KLHL41: variants seen among roughly 807,000 people sequenced by gnomAD.
KLHL41 encodes the protein kelch like family member 41.
A neutral mutation model predicts 49.2 loss-of-function variants in KLHL41; 31 were observed. The observed-to-expected ratio is 0.63, with a 90% CI of 0.47 to 0.85. The LOEUF is 0.85. KLHL41 is among the 40% of genes least tolerant of loss of function. KLHL41 has a pLI of 0.00. For missense variants in KLHL41, 663 were observed against 726.7 expected (o/e 0.91, Z 1.01); for synonymous variants, 218 against 258.5 (o/e 0.84, Z 1.50).
At position 169,514,466 on chromosome 2, in the gene KLHL41, T is replaced by C. The variant is rs2293058; in HGVS notation, c.1111-108T>C. On this transcript the variant is annotated intron_variant, in intron 1 of 5. Coordinates refer to ENST00000284669, the MANE Select transcript of KLHL41 (RefSeq NM_006063.3). ...GTAGTTTTATTTACTTGTGAGATAT[T>C]TGACTATCTCGATGACTTCTAAACA... is the stretch of plus-strand genomic sequence containing the variant. The C allele has an allele frequency of 0.087, 67,497 of 777,040 alleles. 3,869 individuals are homozygous for C. Among genetic ancestry groups the C allele is most frequent in the East Asian group, 0.21 (7,725 of 37,676 alleles). 48.1% of individuals were successfully genotyped at this position (777,040 alleles called of 1,614,324 possible). A position where few individuals can be genotyped will look rare whatever the true frequency, so the allele number is the denominator to read the frequency against.
chr2:169,525,699 A>G lies in KLHL41; in HGVS notation c.*3A>G. ...TCTTCAAACTGTCTAAACTGTGAAC[A>G]AGGTGACAAAACATAATAGATTGGG... On this transcript the variant is annotated 3_prime_UTR_variant, in exon 6 of 6. Coordinates refer to ENST00000284669, the MANE Select transcript of KLHL41 (RefSeq NM_006063.3). The G allele has an allele frequency of 7.1e-6, 11 of 1,546,346 alleles. No homozygotes were observed. The highest frequency in any genetic ancestry group is 9.8e-6 in the Non-Finnish European group (11 of 1,118,894).
At chr2:169,511,052 T>C (rs987847513) in intron 1 of KLHL41, among the ~76,000 whole-genome samples, 164 bp downstream of exon 1, 5 of 152,206 alleles carry the variant, frequency 3.3e-5, no homozygotes, top group African/African-American at 1.2e-4. Context: ...CAGAAAAATA[T>C]TTGACTGCTT....
intron 3 of KLHL41, among the ~76,000 whole-genome samples, chr2:169,515,726 T>C (rs1684106966): frequency 6.6e-6 from 1 of 152,148 alleles, no homozygotes; most frequent in South Asian, 2.1e-4. Flanking sequence ...ATAGGTCAGT[T>C]TGAAAGAAAA....
intron 5 of KLHL41, 102 bp downstream of exon 5, chr2:169,521,109 C>A: frequency 9.2e-7 from 1 of 1,089,988 alleles, no homozygotes; most frequent in Non-Finnish European, 1.4e-6. Context: ...AACATGCAAG[C>A]TACTTCTTGG....
At position 169,518,393 on chromosome 2, in the gene KLHL41, AG is replaced by A; in HGVS notation, c.1562+19del. 1 of 1,553,722 alleles carries A rather than the reference AG, an allele frequency of 6.4e-7. No individual in the cohort carries two copies. Among genetic ancestry groups the A allele is most frequent in the Non-Finnish European group, 8.8e-7 (1 of 1,136,474 alleles). On this transcript the variant is annotated intron_variant, in intron 4 of 5. Coordinates refer to ENST00000284669, the MANE Select transcript of KLHL41 (RefSeq NM_006063.3). Reference sequence around the variant, plus strand: ...ACAAATAAGTGAGTTGCCACATCTTAGTATATAGCATGTGAACAACTATACA... The same window carrying A: ...ACAAATAAGTGAGTTGCCACATCTTATATATAGCATGTGAACAACTATACA...
chr2:169,513,939 A>C (rs972247932), intron 1 of KLHL41, among the ~76,000 whole-genome samples: 2 of 152,168 alleles, frequency 1.3e-5, no homozygotes, highest in Admixed American at 1.3e-4. Flanking sequence ...TATTAATATA[A>C]ATTTTTTAAA....
intron 1 of KLHL41, among the ~76,000 whole-genome samples, chr2:169,512,573 C>T (rs547784052): frequency 1.8e-4 from 27 of 152,208 alleles, no homozygotes; most frequent in African/African-American, 2.2e-4. Context: ...CTTTTACTGA[C>T]GCAGCTTCTC....
chr2:169,513,988 T>C (rs966997250), intron 1 of KLHL41, among the ~76,000 whole-genome samples: 2 of 152,014 alleles, frequency 1.3e-5, no homozygotes, highest in African/African-American at 4.8e-5. Flanking sequence ...AACAACACAC[T>C]AGGAAATTCA....
intron 1 of KLHL41, among the ~76,000 whole-genome samples, chr2:169,512,287 C>T (rs1485083150): frequency 6.6e-6 from 1 of 152,022 alleles, no homozygotes; most frequent in Non-Finnish European, 1.5e-5. Context: ...GTCAAATAAA[C>T]GTCAAAAGTG....
Position 169,512,060 on chromosome 2 carries a change from T to C in KLHL41, c.1110+1172T>C, listed in dbSNP as rs3820954. Among the ~76,000 whole-genome samples, 17 of 152,334 alleles carry C rather than the reference T, an allele frequency of 1.1e-4. No homozygotes were observed. In the East Asian group the frequency reaches 3.1e-3, roughly 28 times the overall value. ...TGGAAAGGCCAAAGATAAGCAAGTA[T>C]ACAATGTCATACCACAGTCACAGTA... On this transcript the variant is annotated intron_variant, in intron 1 of 5. Coordinates refer to ENST00000284669, the MANE Select transcript of KLHL41 (RefSeq NM_006063.3).
In KLHL41 at chr2:169,525,680, A is replaced by G. The variant is rs760655486; in HGVS notation, c.1805A>G (p.Lys602Arg). 2.5e-6 allele frequency: 4 copies of G among 1,598,110 alleles called. No individual in the cohort carries two copies. Among genetic ancestry groups the G allele is most frequent in the Non-Finnish European group, 3.4e-6 (4 of 1,165,702 alleles). Residue 602 changes from lysine (K) to arginine (R), a missense_variant, in exon 6 of 6, where the codon AAA (lysine) becomes AGA (arginine). Physicochemically the swap from Lys to Arg is conservative, Grantham distance 26. This residue lies in a region of KLHL41 where 528 missense variants were observed against 581.0 expected (regional missense o/e 0.91). Coordinates refer to ENST00000284669, the MANE Select transcript of KLHL41 (RefSeq NM_006063.3). ...SCLATRLNLF[K>R]LSKL ...CTAGCAACACGTTTAAATCTCTTCAAACTGTCTAAACTGTGAACAAGGTGA... is the reference window on the plus strand; with the variant it reads ...CTAGCAACACGTTTAAATCTCTTCAGACTGTCTAAACTGTGAACAAGGTGA...
At position 169,526,246 on chromosome 2, in the gene KLHL41, AG is replaced by A. The variant is rs1684305318; in HGVS notation, c.*551del. On this transcript the variant is annotated 3_prime_UTR_variant, in exon 6 of 6. Transcript: ENST00000284669. ...GGAAAAGTCTCTTGTAAGTAAAAGT[AG>A]TCAAATTCAAATGGCCTTTTCTCTC... is the stretch of plus-strand genomic sequence containing the variant. 6.6e-6 allele frequency: 1 copy of A among 152,270 alleles called. No individual in the cohort carries two copies. Among genetic ancestry groups the A allele is most frequent in the African/African-American group, 2.4e-5 (1 of 41,482 alleles). The allele number at this position is 152,270 out of a possible 1,614,324, so 9.4% of individuals were successfully genotyped here.
chr2:169,514,790 TA>T, intron 2 of KLHL41, 59 bp downstream of exon 2: 1 of 1,596,040 alleles, frequency 6.3e-7, no homozygotes, highest in Non-Finnish European at 8.6e-7. Flanking sequence ...GCCTACAACA[TA>T]TTCATATTTT....
chr2:169,514,981 A>C lies in KLHL41; in HGVS notation c.1376+20A>C. On this transcript the variant is annotated intron_variant, in intron 3 of 5. Coordinates refer to ENST00000284669, the MANE Select transcript of KLHL41 (RefSeq NM_006063.3). Reference sequence around the variant, plus strand: ...TGACAAGTAAGTACCCTGAACTCTCATGATTTATGTCTAAATGACTTTTTA... The same window carrying C: ...TGACAAGTAAGTACCCTGAACTCTCCTGATTTATGTCTAAATGACTTTTTA... 7 of 1,406,654 alleles carry C rather than the reference A, an allele frequency of 5.0e-6. No homozygotes were observed. The highest frequency in any genetic ancestry group is 6.9e-6 in the Non-Finnish European group (7 of 1,018,090). 87.1% of individuals were successfully genotyped at this position (1,406,654 alleles called of 1,614,324 possible).
chr2:169,525,466 C>G (rs965730611), intron 5 of KLHL41, 119 bp from the exon 6 acceptor site: 2 of 639,264 alleles, frequency 3.1e-6, no homozygotes, highest in Non-Finnish European at 5.6e-6. Context: ...CAGGCAGGTG[C>G]ATCTTCTTCT....
intron 4 of KLHL41, among the ~76,000 whole-genome samples, chr2:169,518,861 G>A (rs750485118): frequency 5.3e-5 from 8 of 151,832 alleles, no homozygotes; most frequent in Non-Finnish European, 1.2e-4. Context: ...TTTGTTTTTG[G>A]TACAGACAGG....
At chr2:169,525,008 G>A (rs1236255603) in intron 5 of KLHL41, among the ~76,000 whole-genome samples, 1 of 152,108 alleles carries the variant, frequency 6.6e-6, no homozygotes, top group African/African-American at 2.4e-5. Flanking sequence ...CAAGTTATCT[G>A]TATCTTTATA....
In KLHL41 at chr2:169,525,669, A is replaced by C. The variant is rs893355163; in HGVS notation, c.1794A>C (p.Leu598Phe). 4 of 1,609,380 alleles carry C rather than the reference A, an allele frequency of 2.5e-6. No homozygotes were observed. The African/African-American group carries it at 5.3e-5, about 22-fold the overall frequency. Residue 598 changes from leucine to phenylalanine, a missense_variant, in exon 6 of 6, where the codon TTA becomes TTC. Leu to Phe is a conservative substitution (Grantham distance 22, BLOSUM62 0). This residue lies in a region of KLHL41 where 528 missense variants were observed against 581.0 expected (regional missense o/e 0.91). Transcript: ENST00000284669. ...GAGCTAGTTGCCTAGCAACACGTTT[A>C]AATCTCTTCAAACTGTCTAAACTGT... ...ASGASCLATR[L>F]NLFKLSKL
Position 169,518,170 on chromosome 2 carries a change from ATTTG to A in KLHL41, c.1377-16_1377-13del. On this transcript the variant is annotated splice_polypyrimidine_tract_variant and intron_variant, in intron 3 of 5. Transcript: ENST00000284669. ...GTCAAAAAAAGGTTCTAAAAGGAAC[ATTTG>A]TTTTTCTGTTTACAGAAAATGTACA... 3 of 1,591,394 alleles carry A rather than the reference ATTTG, an allele frequency of 1.9e-6. No homozygotes were observed. Among genetic ancestry groups the A allele is most frequent in the Non-Finnish European group, 2.6e-6 (3 of 1,166,118 alleles).
Sources: allele counts gnomAD v4.1 joint callset (sites outside exome capture counted in the v4.1 genomes callset), GRCh38; gene constraint gnomAD v4.1.1; regional missense constraint gnomAD v4.1.1; transcripts MANE v1.5; gene names NCBI Gene and HGNC (gene_info 2026-07-23, HGNC 2026-07-21).